PSMD5: variants seen among roughly 807,000 people sequenced by gnomAD.
PSMD5 encodes the protein 26S proteasome non-ATPase regulatory subunit 5.
In PSMD5, 40 loss-of-function variants were observed where a neutral mutation model predicts 52.1. The observed-to-expected ratio is 0.77, with a 90% CI of 0.60 to 1.00. PSMD5 has a LOEUF of 1.00. Ranked by LOEUF, PSMD5 falls within the 50% of genes least tolerant of loss-of-function variation. The pLI is 0.00. For synonymous variants in PSMD5, 211 were observed against 226.6 expected (o/e 0.93, Z 0.62); for missense variants, 575 against 605.2 (o/e 0.95, Z 0.52).
At chr9:120,824,918 T>A (rs536668024) in intron 6 of PSMD5, 1 of 374,448 alleles carries the variant, frequency 2.7e-6, no homozygotes, top group African/African-American at 2.1e-5. Context: ...AGTACTGGCA[T>A]ATGCAAGAGG....
rs746572807 is a variant in PSMD5, at chr9:120,824,596, C to T, written c.904G>A (p.Glu302Lys). The change falls in exon 7 of 10, where the codon GAA (glutamate) becomes AAA (lysine). Residue 302 changes from glutamate (E) to lysine (K), a missense_variant. Glu to Lys is a moderately conservative substitution (Grantham distance 56, BLOSUM62 1). Coordinates refer to ENST00000210313, the MANE Select transcript of PSMD5 (RefSeq NM_005047.4). ...RYPIFVEKVFEMIESQDPTMI... is the reference protein window; with the variant it reads ...RYPIFVEKVFKMIESQDPTMI... ...GTGGGGTCCTGACTTTCTATCATTT[C>T]AAAGACTTTTTCCACAAAGATAGGA... 1 of 1,614,164 alleles carries T rather than the reference C, an allele frequency of 6.2e-7. No homozygotes were observed. The highest frequency in any genetic ancestry group is 2.2e-5 in the East Asian group (1 of 44,878).
At position 120,842,900 on chromosome 9, in the gene PSMD5, G is replaced by T; in HGVS notation, c.10C>A (p.Gln4Lys). The T allele has an allele frequency of 6.3e-7, 1 of 1,587,594 alleles. No individual in the cohort carries two copies. The highest frequency in any genetic ancestry group is 8.5e-7 in the Non-Finnish European group (1 of 1,172,480). ...ACCTCTCTCAGCAGCGCCAAAGCCT[G>T]GGCTGCCATCTTGCCCCCCGACGCA... is the stretch of plus-strand genomic sequence containing the variant. The part of the protein sequence containing the change: MAA[Q>K]ALALLREVAR... The change falls in exon 1 of 10, where the codon CAG (glutamine) becomes AAG (lysine). Residue 4 changes from glutamine to lysine, a missense_variant. Gln to Lys is a moderately conservative substitution (Grantham distance 53). Transcript: ENST00000210313.
intron 4 of PSMD5, 121 bp downstream of exon 4, chr9:120,831,210 T>C: frequency 1.9e-6 from 2 of 1,063,092 alleles, no homozygotes; most frequent in Non-Finnish European, 2.6e-6. Context: ...CATCCTTATA[T>C]TCCCAGCACC....
intron 9 of PSMD5, 113 bp from the exon 10 acceptor site, chr9:120,818,276 T>G: frequency 9.4e-7 from 1 of 1,067,278 alleles, no homozygotes; most frequent in South Asian, 2.0e-5. Flanking sequence ...AATGTTACCT[T>G]TTGTCTAAGT....
chr9:120,840,238 C>T lies in PSMD5; in HGVS notation c.173+2499G>A, dbSNP rs555136909. ...CTCCTGGGCTCAAGGGATCCTCCCC[C>T]TCAGCCCTCTAAGTAGCTGGGACTA... On this transcript the variant is annotated intron_variant, in intron 1 of 9. Coordinates refer to ENST00000210313, the MANE Select transcript of PSMD5 (RefSeq NM_005047.4). 2.7e-3 allele frequency among the ~76,000 whole-genome samples: 414 copies of T among 151,322 alleles called. 4 individuals are homozygous for T. The highest frequency in any genetic ancestry group is 9.6e-3 in the African/African-American group (397 of 41,290).
chr9:120,819,654 G>A (rs2045069410), intron 9 of PSMD5, among the ~76,000 whole-genome samples: 1 of 152,186 alleles, frequency 6.6e-6, no homozygotes, highest in African/African-American at 2.4e-5. Context: ...CTAACACAGT[G>A]AAACCCCGTC....
chr9:120,831,482 C>G (rs1308764964), intron 3 of PSMD5, 23 bp from the exon 4 acceptor site: 1 of 1,580,278 alleles, frequency 6.3e-7, no homozygotes, highest in Admixed American at 1.9e-5. Context: ...GAAAATATCT[C>G]TTACATTCCC....
intron 1 of PSMD5, among the ~76,000 whole-genome samples, chr9:120,841,342 G>C (rs1304117159): frequency 3.9e-5 from 6 of 152,092 alleles, no homozygotes; most frequent in Non-Finnish European, 8.8e-5. Context: ...CACTTTGGGA[G>C]GCCGAGGCGG....
intron 1 of PSMD5, among the ~76,000 whole-genome samples, chr9:120,836,434 T>C (rs540595081): frequency 5.9e-4 from 89 of 151,834 alleles, no homozygotes; most frequent in African/African-American, 1.6e-3. Context: ...TCTCGCTCTG[T>C]TGCCCAGGCT....
In PSMD5 at chr9:120,829,142, T is replaced by A. The variant is rs759749488; in HGVS notation, c.628A>T (p.Thr210Ser). The change falls in exon 5 of 10, where the codon ACC becomes TCC. Residue 210 changes from threonine to serine, a missense_variant. By Grantham distance (58) the Thr-to-Ser change is moderately conservative (BLOSUM62 1). Coordinates refer to ENST00000210313, the MANE Select transcript of PSMD5 (RefSeq NM_005047.4). Reference sequence around the variant, plus strand: ...CCAGTCAGCTCTCTCAGGAGCTGGGTTACCAATCCACTTGTGGTACAGTAG... The same window carrying A: ...CCAGTCAGCTCTCTCAGGAGCTGGGATACCAATCCACTTGTGGTACAGTAG... ...LNYCTTSGLV[T>S]QLLRELTGED... The A allele has an allele frequency of 4.7e-5, 76 of 1,608,234 alleles. No individual in the cohort carries two copies. In the East Asian group the frequency reaches 1.7e-3, roughly 35 times the overall value.
intron 1 of PSMD5, chr9:120,842,442 T>G (rs1177402032): frequency 2.1e-6 from 1 of 477,686 alleles, no homozygotes. Flanking sequence ...ATGCTCCTTG[T>G]AAGTGGACAG....
At position 120,831,595 on chromosome 9, in the gene PSMD5, A is replaced by C. The variant is rs1025176957; in HGVS notation, c.433-136T>G. 8.4e-6 allele frequency: 10 copies of C among 1,195,646 alleles called. No individual in the cohort carries two copies. The East Asian group carries it at 2.5e-4, about 29-fold the overall frequency. The allele number at this position is 1,195,646 out of a possible 1,614,324, so 74.1% of individuals were successfully genotyped here. A position where few individuals can be genotyped will look rare whatever the true frequency, so the allele number is the denominator to read the frequency against. ...ATTATTTATAATTGGAAAAGACGCA[A>C]GGTATCCCCCATAGAATTATGATGG... is the stretch of plus-strand genomic sequence containing the variant. On this transcript the variant is annotated intron_variant, in intron 3 of 9. Coordinates refer to ENST00000210313, the MANE Select transcript of PSMD5 (RefSeq NM_005047.4).
intron 1 of PSMD5, among the ~76,000 whole-genome samples, chr9:120,841,122 A>G (rs930866497): frequency 2.0e-5 from 3 of 152,256 alleles, no homozygotes; most frequent in African/African-American, 7.2e-5. Flanking sequence ...TACTATTTTC[A>G]GACCCACTTC....
chr9:120,820,966 G>A lies in PSMD5; in HGVS notation c.1130C>T (p.Thr377Ile), dbSNP rs751254736. The A allele has an allele frequency of 3.1e-6, 5 of 1,592,686 alleles. No individual in the cohort carries two copies. The highest frequency in any genetic ancestry group is 4.3e-6 in the Non-Finnish European group (5 of 1,174,464). Reference sequence around the variant, plus strand: ...TTCTGTCATCCTCAGAAGGTCATCAGTCTGCTGCTCAGGCTACAGGAAAGA... The same window carrying A: ...TTCTGTCATCCTCAGAAGGTCATCAATCTGCTGCTCAGGCTACAGGAAAGA... ...SLLYLPPEQQ[T>I]DDLLRMTESW... Residue 377 changes from threonine (T) to isoleucine (I), a missense_variant, in exon 9 of 10, where the codon ACT (threonine) becomes ATT (isoleucine). Transcript: ENST00000210313.
At chr9:120,834,718 C>G (rs1288537750) in intron 1 of PSMD5, among the ~76,000 whole-genome samples, 2 of 152,178 alleles carry the variant, frequency 1.3e-5, no homozygotes, top group African/African-American at 4.8e-5. Flanking sequence ...TCCAGAAAAT[C>G]AATGGCAGGC....
At position 120,817,773 on chromosome 9, in the gene PSMD5, A is replaced by G. The variant is rs1353316695; in HGVS notation, c.*133T>C. ...AATGTAGAAATATAACAGTGTTGGT[A>G]ACAAAGTAACATCTGACATTCCATG... is the stretch of plus-strand genomic sequence containing the variant. On this transcript the variant is annotated 3_prime_UTR_variant, in exon 10 of 10. Transcript: ENST00000210313. 4.7e-6 allele frequency: 5 copies of G among 1,063,250 alleles called. No individual in the cohort carries two copies. The East Asian group carries it at 1.2e-4, about 25-fold the overall frequency. 65.9% of individuals were successfully genotyped at this position (1,063,250 alleles called of 1,614,324 possible). A position where few individuals can be genotyped will look rare whatever the true frequency, so the allele number is the denominator to read the frequency against.
At position 120,824,600 on chromosome 9, in the gene PSMD5, G is replaced by T. The variant is rs2045109665; in HGVS notation, c.900C>A (p.Val300=). ...GGTCCTGACTTTCTATCATTTCAAA[G>T]ACTTTTTCCACAAAGATAGGATAAC... The part of the protein sequence containing the change: ...CERYPIFVEK[V]FEMIESQDPT... Residue 300 remains valine, a synonymous_variant, in exon 7 of 10, where the codon GTC becomes GTA. Transcript: ENST00000210313. 1 of 1,613,996 alleles carries T rather than the reference G, an allele frequency of 6.2e-7. No homozygotes were observed. Among genetic ancestry groups the T allele is most frequent in the Admixed American group, 1.7e-5 (1 of 60,000 alleles).
chr9:120,830,658 T>C lies in PSMD5; in HGVS notation c.561+673A>G, dbSNP rs1480623642. Among the ~76,000 whole-genome samples the C allele has an allele frequency of 3.3e-5, 5 of 152,278 alleles. No homozygotes were observed. The East Asian group carries it at 9.6e-4, about 29-fold the overall frequency. On this transcript the variant is annotated intron_variant, in intron 4 of 9. Transcript: ENST00000210313. Reference sequence around the variant, plus strand: ...ACTATAGAGGATTCTATTTCAAACATGCACCCTATTAACTGTGTGGTCTTG... The same window carrying C: ...ACTATAGAGGATTCTATTTCAAACACGCACCCTATTAACTGTGTGGTCTTG...
chr9:120,839,800 T>C (rs893886851), intron 1 of PSMD5, among the ~76,000 whole-genome samples: 1 of 19,312 alleles, frequency 5.2e-5, no homozygotes, highest in Admixed American at 1.3e-3. Context: ...TTTTTAATCT[T>C]TTTTTTTTTT....
Sources: allele counts gnomAD v4.1 joint callset (sites outside exome capture counted in the v4.1 genomes callset), GRCh38; gene constraint gnomAD v4.1.1; transcripts MANE v1.5; gene names NCBI Gene and HGNC (gene_info 2026-07-23, HGNC 2026-07-21).